OLFM1: variants seen among roughly 807,000 people sequenced by gnomAD.
The protein encoded by OLFM1 is noelin.
A neutral mutation model predicts 49.7 loss-of-function variants in OLFM1; 9 were observed. The ratio of observed to expected loss-of-function variants is 0.18; its 90% CI spans 0.11 to 0.32. The LOEUF (loss-of-function observed/expected upper bound fraction) is 0.32. Among genes scored for constraint, OLFM1 ranks in the 10% least tolerant of loss-of-function variants. The probability of loss-of-function intolerance (pLI) is 1.00; values close to 1 mark genes in which losing one functional copy is unlikely to be tolerated. For synonymous variants in OLFM1, 240 were observed against 271.8 expected, an observed-to-expected ratio of 0.88 and a Z score of 1.15; for missense variants, 369 against 661.8, an observed-to-expected ratio of 0.56 and a Z score of 4.85.
At chr9:135,111,080 G>A (rs1483555500) in intron 5 of OLFM1, among the ~76,000 whole-genome samples, 2 of 152,220 alleles carry the variant, frequency 1.3e-5, no homozygotes, top group East Asian at 1.9e-4. Flanking sequence ...AAAATCCCAC[G>A]TTCTCAGTAA....
At chr9:135,097,061 C>T (rs1830808774) in intron 3 of OLFM1, among the ~76,000 whole-genome samples, 1 of 152,182 alleles carries the variant, frequency 6.6e-6, no homozygotes, top group South Asian at 2.1e-4. Context: ...ATGAACAGGT[C>T]AAATTACACA....
At chr9:135,107,302 A>C (rs1177332809) in intron 5 of OLFM1, among the ~76,000 whole-genome samples, 1 of 152,202 alleles carries the variant, frequency 6.6e-6, no homozygotes, top group Non-Finnish European at 1.5e-5. Context: ...TTCATTTGCC[A>C]TTCCTTTCAT....
chr9:135,091,857 ACACACACT>A (rs1171093235), intron 2 of OLFM1, among the ~76,000 whole-genome samples: 24 of 131,832 alleles, frequency 1.8e-4, no homozygotes, highest in African/African-American at 6.1e-4. Flanking sequence ...ACACATAGTC[ACACACACT>A]CACACACAGT....
intron 4 of OLFM1, among the ~76,000 whole-genome samples, chr9:135,102,363 C>T (rs763135807): frequency 7.9e-5 from 12 of 152,340 alleles, no homozygotes; most frequent in South Asian, 2.1e-4. Context: ...ACACATGGTG[C>T]GTTCAAGGAT....
intron 1 of OLFM1, chr9:135,076,395 G>A (rs1210667229): frequency 1.3e-6 from 2 of 1,504,376 alleles, no homozygotes; most frequent in South Asian, 1.3e-5. Flanking sequence ...GGCAGGAGGT[G>A]AGTGAGGAGC....
chr9:135,084,499 TCTCTCTC>T (rs1303737626), upstream of OLFM1, among the ~76,000 whole-genome samples: 4 of 57,040 alleles, frequency 7.0e-5, no homozygotes, highest in Non-Finnish European at 2.3e-4. The surrounding 1 kb of genome is among the most constrained non-coding windows in gnomAD (Gnocchi z 4.6). Context: ...TCTCCTCTCT[TCTCTCTC>T]CTCTCTCTCT....
Position 135,076,208 on chromosome 9 carries a change from C to T in OLFM1, c.96+406C>T, listed in dbSNP as rs907781586. The T allele has an allele frequency of 3.9e-6, 6 of 1,550,518 alleles. No homozygotes were observed. In the African/African-American group the frequency reaches 4.1e-5, roughly 11 times the overall value. On this transcript the variant is annotated intron_variant, in intron 1 of 5. Transcript: ENST00000252854. ...GGTGGCGGGACCTTAGTCCTACCCC[C>T]AACACACACCCCTGAGTGGCTCATC...
chr9:135,118,392 G>T (rs1165078947), intron 5 of OLFM1, among the ~76,000 whole-genome samples: 2 of 118,910 alleles, frequency 1.7e-5, no homozygotes, highest in African/African-American at 6.5e-5. Flanking sequence ...TGCTCGCTGG[G>T]TCTTTGGAGT....
intron 4 of OLFM1, among the ~76,000 whole-genome samples, chr9:135,099,058 G>A (rs1830836934): frequency 6.6e-6 from 1 of 152,234 alleles, no homozygotes; most frequent in South Asian, 2.1e-4. Flanking sequence ...TCCTAAGAAA[G>A]ACCCCCAGTG....
At position 135,090,390 on chromosome 9, in the gene OLFM1, G is replaced by GTT. The variant is rs779993949; in HGVS notation, c.300+47_300+48insTT. On this transcript the variant is annotated intron_variant, in intron 2 of 5. Transcript: ENST00000371793. ...TGAGTTTGTATGTGTGTGTGTTTGT[G>GTT]TGTGTGTGTGTGTGTGTACATGCCT... The GTT allele has an allele frequency of 1.0e-4, 43 of 411,398 alleles. No individual in the cohort carries two copies. The African/African-American group carries it at 1.3e-3, about 12-fold the overall frequency. The allele number at this position is 411,398 out of a possible 1,614,324, so 25.5% of individuals were successfully genotyped here. A position where few individuals can be genotyped will look rare whatever the true frequency, so the allele number is the denominator to read the frequency against.
At chr9:135,089,481 G>A (rs1311943061) in intron 1 of OLFM1, among the ~76,000 whole-genome samples, 4 of 152,194 alleles carry the variant, frequency 2.6e-5, no homozygotes, top group Non-Finnish European at 5.9e-5. Context: ...TGATCTTTGG[G>A]CAAACCTCAG....
At chr9:135,095,760 G>GTGTGC in intron 2 of OLFM1, 104 bp from the exon 3 acceptor site, 1 of 1,248,042 alleles carries the variant, frequency 8.0e-7, no homozygotes, top group Non-Finnish European at 1.1e-6. Context: ...CTGGTTCCCA[G>GTGTGC]TGTGCTGGCT....
At chr9:135,075,913 C>T (rs1830458589) in intron 1 of OLFM1, 1 of 1,409,204 alleles carries the variant, frequency 7.1e-7, no homozygotes, top group South Asian at 1.5e-5. Context: ...GCGCCCCCGG[C>T]CTGGGCGCCC....
At chr9:135,091,950 C>T (rs1455348566) in intron 2 of OLFM1, among the ~76,000 whole-genome samples, 4 of 152,030 alleles carry the variant, frequency 2.6e-5, no homozygotes, top group East Asian at 1.9e-4. Flanking sequence ...ATAGTAAAGC[C>T]GTGACTCTTC....
chr9:135,116,808 C>T (rs1437471762), intron 5 of OLFM1, among the ~76,000 whole-genome samples: 1 of 151,258 alleles, frequency 6.6e-6, no homozygotes, highest in African/African-American at 2.4e-5. Context: ...CGGTTCTAAT[C>T]TGTGACCCAC....
intron 4 of OLFM1, chr9:135,105,761 G>A (rs1588216462): frequency 6.6e-6 from 1 of 152,366 alleles, no homozygotes; most frequent in East Asian, 1.9e-4. Flanking sequence ...AGGGCAGGGT[G>A]CGGGGACTTG....
chr9:135,077,369 C>G, intron 1 of OLFM1: 1 of 1,075,454 alleles, frequency 9.3e-7, no homozygotes, highest in Non-Finnish European at 1.2e-6. Flanking sequence ...ATGCCCAGGC[C>G]AAAAGATGCT....
intron 5 of OLFM1, among the ~76,000 whole-genome samples, chr9:135,110,268 T>C (rs779892588): frequency 7.9e-5 from 12 of 152,282 alleles, no homozygotes; most frequent in South Asian, 2.1e-4. Context: ...GCTCTGACCA[T>C]GGCCTGCCTT....
chr9:135,102,993 C>T (rs1385370203), intron 4 of OLFM1, among the ~76,000 whole-genome samples: 2 of 152,216 alleles, frequency 1.3e-5, no homozygotes, highest in African/African-American at 4.8e-5. Context: ...TTGTCTCATC[C>T]GCAGGGGCAT....
Sources: gnomAD v4.1 joint callset for allele counts (sites outside exome capture counted in the v4.1 genomes callset) on GRCh38, gnomAD v4.1.1 for gene constraint, Gnocchi (gnomAD v3.1) non-coding constraint, MANE v1.5 for transcripts, NCBI Gene and HGNC (gene_info 2026-07-23, HGNC 2026-07-21) for gene names.